PITPNC1: variants seen among roughly 807,000 people sequenced by gnomAD.
The protein encoded by PITPNC1 is cytoplasmic phosphatidylinositol transfer protein 1.
PITPNC1 carries 18 observed loss-of-function variants against 44.7 expected under a neutral mutation model. That is an observed-to-expected ratio of 0.40 (90% CI 0.28 to 0.60). PITPNC1 has a LOEUF of 0.60. Among genes scored for constraint, PITPNC1 ranks in the 20% least tolerant of loss-of-function variants. The pLI is 0.39. For synonymous variants in PITPNC1, 141 were observed against 149.6 expected (o/e 0.94, Z 0.42); for missense variants, 290 against 418.4 (o/e 0.69, Z 2.68).
intron 1 of PITPNC1, among the ~76,000 whole-genome samples, chr17:67,475,889 T>C (rs1448797166): frequency 1.3e-5 from 2 of 152,120 alleles, no homozygotes; most frequent in East Asian, 3.9e-4. Flanking sequence ...AGTTAAGGCA[T>C]TGGGCTGTGG....
At chr17:67,601,095 G>C (rs544839627) in intron 5 of PITPNC1, among the ~76,000 whole-genome samples, 1 of 151,984 alleles carries the variant, frequency 6.6e-6, no homozygotes, top group Non-Finnish European at 1.5e-5. Flanking sequence ...CTGGGTGGTG[G>C]GATTTCACCC....
intron 1 of PITPNC1, among the ~76,000 whole-genome samples, chr17:67,449,199 A>AAAT (rs2143943842): frequency 6.6e-6 from 1 of 152,274 alleles, no homozygotes; most frequent in African/African-American, 2.4e-5. Flanking sequence ...GTACTTATTT[A>AAAT]ATTTTCTCTG....
At chr17:67,692,468 A>G in intron 8 of PITPNC1, 104 bp from the exon 9 acceptor site, 4 of 802,342 alleles carry the variant, frequency 5.0e-6, no homozygotes, top group Non-Finnish European at 8.2e-6. Context: ...AGGCCCCTTT[A>G]TGATAGGGTT....
intron 4 of PITPNC1, among the ~76,000 whole-genome samples, chr17:67,575,835 C>T (rs894063895): frequency 1.4e-4 from 13 of 95,284 alleles, no homozygotes; most frequent in South Asian, 3.8e-4. Flanking sequence ...TCCTTCCTTC[C>T]TTCCTTCTTT....
At chr17:67,398,093 CAA>C (rs534488396) in intron 1 of PITPNC1, among the ~76,000 whole-genome samples, 35,488 of 97,550 alleles carry the variant, frequency 0.36, 4,391 homozygotes, top group Middle Eastern at 0.47. Context: ...ACTCCGTCTC[CAA>C]AAAAAAAAAA....
rs1460968822 is a variant in PITPNC1 at position 67,578,172 on chromosome 17, C to T, written c.295-14C>T. ...AAAATGTTATGCTAATGAAAATTTG[C>T]TTTTCTCCCACAGTGTTCCTTTCTG... On this transcript the variant is annotated splice_polypyrimidine_tract_variant and intron_variant, in intron 4 of 8. Transcript: ENST00000581322. 9 of 1,583,812 alleles carry T rather than the reference C, an allele frequency of 5.7e-6. No individual in the cohort carries two copies. The highest frequency in any genetic ancestry group is 7.8e-6 in the Non-Finnish European group (9 of 1,152,608).
chr17:67,408,711 TTCCTTC>T (rs1567978387), intron 1 of PITPNC1: 2 of 148,908 alleles, frequency 1.3e-5, no homozygotes, highest in African/African-American at 5.0e-5. Context: ...CCTTCCTTCC[TTCCTTC>T]CTTCCTTCCT....
At chr17:67,378,575 C>T (rs1373824712) in intron 1 of PITPNC1, among the ~76,000 whole-genome samples, 4 of 152,148 alleles carry the variant, frequency 2.6e-5, no homozygotes, top group Non-Finnish European at 4.4e-5. Flanking sequence ...CCCGTCCTGG[C>T]CGTGGGCCCA....
In PITPNC1 at chr17:67,454,302, T is replaced by C. The variant is rs1410191402; in HGVS notation, c.48+76100T>C. ...GAGGACAGGCTCTAGGGTAAGACTC[T>C]GGGGTCTGAATTCCAGCTCAACAAC... On this transcript the variant is annotated intron_variant, in intron 1 of 8. Transcript: ENST00000581322. Among the ~76,000 whole-genome samples, 6 of 151,854 alleles carry C rather than the reference T, an allele frequency of 4.0e-5. No homozygotes were observed. In the South Asian group the frequency reaches 8.3e-4, roughly 21 times the overall value.
intron 1 of PITPNC1, among the ~76,000 whole-genome samples, chr17:67,530,307 G>T (rs2040445093): frequency 6.6e-6 from 1 of 151,800 alleles, no homozygotes; most frequent in East Asian, 1.9e-4. Context: ...TCGCCAGGAT[G>T]GTCTCTATCT....
intron 1 of PITPNC1, among the ~76,000 whole-genome samples, chr17:67,481,825 G>C (rs936329723): frequency 6.6e-6 from 1 of 151,942 alleles, no homozygotes; most frequent in African/African-American, 2.4e-5. Context: ...GCCTTCCAGG[G>C]ATTTACAGTC....
intron 2 of PITPNC1, 49 bp downstream of exon 2, chr17:67,532,999 C>T (rs1598789716): frequency 2.7e-6 from 4 of 1,504,634 alleles, no homozygotes; most frequent in South Asian, 2.5e-5. Flanking sequence ...TCCCACCTGA[C>T]CCCATGGTGT....
At position 67,532,708 on chromosome 17, in the gene PITPNC1, T is replaced by G. The variant is rs970728291; in HGVS notation, c.49-94T>G. 9 of 968,220 alleles carry G rather than the reference T, an allele frequency of 9.3e-6. No homozygotes were observed. The Admixed American group carries it at 1.1e-4, about 12-fold the overall frequency. 60.0% of individuals were successfully genotyped at this position (968,220 alleles called of 1,614,324 possible). A position where few individuals can be genotyped will look rare whatever the true frequency, so the allele number is the denominator to read the frequency against. Reference sequence around the variant, plus strand: ...GCCTTCTCTTCTCAGCAGAAGGTGCTGATGTTATTAGTGGCTTGCCAAGCT... The same window carrying G: ...GCCTTCTCTTCTCAGCAGAAGGTGCGGATGTTATTAGTGGCTTGCCAAGCT... On this transcript the variant is annotated intron_variant, in intron 1 of 8. Coordinates refer to ENST00000581322, the MANE Select transcript of PITPNC1 (RefSeq NM_012417.4).
chr17:67,667,456 G>A (rs1412123066), intron 6 of PITPNC1, among the ~76,000 whole-genome samples: 2 of 130,950 alleles, frequency 1.5e-5, no homozygotes, highest in Non-Finnish European at 3.1e-5. Flanking sequence ...TTGAGCCTGG[G>A]AGGTCAAGGC....
At chr17:67,463,918 G>T (rs945816197) in intron 1 of PITPNC1, among the ~76,000 whole-genome samples, 1 of 151,950 alleles carries the variant, frequency 6.6e-6, no homozygotes, top group Non-Finnish European at 1.5e-5. Context: ...AAAGAGCCAG[G>T]TGTGGTGGCT....
intron 4 of PITPNC1, among the ~76,000 whole-genome samples, chr17:67,558,962 C>T (rs1226150096): frequency 6.6e-6 from 1 of 152,138 alleles, no homozygotes; most frequent in African/African-American, 2.4e-5. Context: ...TCAGTCACCC[C>T]AGGTGAACCC....
intron 6 of PITPNC1, among the ~76,000 whole-genome samples, chr17:67,632,582 T>C (rs960931728): frequency 1.2e-4 from 18 of 150,770 alleles, no homozygotes; most frequent in African/African-American, 4.2e-4. Flanking sequence ...TTTTTTTTTT[T>C]TTTCTTTTTT....
In PITPNC1 at chr17:67,469,095, G is replaced by A. The variant is rs187875992; in HGVS notation, c.49-63707G>A. ...AATGTCTGGATGAAACCTTCTTTAA[G>A]GGCCTGTCACCTACATGCAATAAAG... On this transcript the variant is annotated intron_variant, in intron 1 of 8. Coordinates refer to ENST00000581322, the MANE Select transcript of PITPNC1 (RefSeq NM_012417.4). Among the ~76,000 whole-genome samples the A allele has an allele frequency of 8.4e-4, 128 of 152,238 alleles. 1 individual carries two copies. Among genetic ancestry groups the A allele is most frequent in the African/African-American group, 3.0e-3 (126 of 41,544 alleles).
At chr17:67,464,929 G>T (rs1156745750) in intron 1 of PITPNC1, among the ~76,000 whole-genome samples, 1 of 152,094 alleles carries the variant, frequency 6.6e-6, no homozygotes, top group Non-Finnish European at 1.5e-5. Flanking sequence ...ATTAGAGATG[G>T]GGTTTCACTA....
Sources: gnomAD v4.1 joint callset for allele counts (sites outside exome capture counted in the v4.1 genomes callset) on GRCh38, gnomAD v4.1.1 for gene constraint, MANE v1.5 for transcripts, NCBI Gene and HGNC (gene_info 2026-07-23, HGNC 2026-07-21) for gene names.